The following RIT2 variants were observed in gnomAD, a reference collection of about 807,000 sequenced individuals.
RIT2 encodes the protein Ras like without CAAX 2, also known as GTP-binding protein Rit2.
In RIT2, 24 loss-of-function variants were observed where a neutral mutation model predicts 23.7. That is an observed-to-expected ratio of 1.01 (90% CI 0.73 to 1.43). The LOEUF (loss-of-function observed/expected upper bound fraction) is 1.43, where lower values mean the gene tolerates loss of function less well. RIT2 is among the 40% of genes most tolerant of loss of function. RIT2 has a pLI of 0.00. For synonymous variants in RIT2, 107 were observed against 91.1 expected, an observed-to-expected ratio of 1.17 and a Z score of -0.99; for missense variants, 236 against 266.9, an observed-to-expected ratio of 0.88 and a Z score of 0.81.
At chr18:42,810,788 A>G (rs773477816) in intron 4 of RIT2, among the ~76,000 whole-genome samples, 6 of 151,984 alleles carry the variant, frequency 3.9e-5, no homozygotes, top group Non-Finnish European at 8.8e-5. Flanking sequence ...ACTAATTCCA[A>G]TATGAAGCCC....
chr18:42,795,343 C>T (rs1027715497), intron 4 of RIT2, among the ~76,000 whole-genome samples: 2 of 152,204 alleles, frequency 1.3e-5, no homozygotes, highest in Admixed American at 6.5e-5. Flanking sequence ...GCCGACCCTG[C>T]CAGCCCCGGG....
At chr18:43,082,974 G>T (rs1341007358) in intron 1 of RIT2, among the ~76,000 whole-genome samples, 1 of 152,154 alleles carries the variant, frequency 6.6e-6, no homozygotes, top group Non-Finnish European at 1.5e-5. Context: ...TGTATATTTA[G>T]AAAACCCTAT....
chr18:43,085,554 T>C (rs564954533), intron 1 of RIT2, among the ~76,000 whole-genome samples: 4 of 152,308 alleles, frequency 2.6e-5, no homozygotes, highest in East Asian at 3.9e-4. Context: ...TCTGTTTCTA[T>C]GAGGATTTGT....
intron 2 of RIT2, among the ~76,000 whole-genome samples, chr18:43,005,911 A>G (rs1911216560): frequency 6.6e-6 from 1 of 151,780 alleles, no homozygotes; most frequent in African/African-American, 2.4e-5. Context: ...GGATTTACAC[A>G]CTGCAATAGC....
intron 2 of RIT2, among the ~76,000 whole-genome samples, chr18:43,024,263 G>A (rs906656525): frequency 6.6e-6 from 1 of 151,922 alleles, no homozygotes. Context: ...CACACCTACA[G>A]CCAACTGATC....
intron 2 of RIT2, among the ~76,000 whole-genome samples, chr18:43,011,628 T>C (rs1911353765): frequency 6.6e-6 from 1 of 151,788 alleles, no homozygotes; most frequent in Non-Finnish European, 1.5e-5. Flanking sequence ...AAAATATTCC[T>C]AGGCCTAATT....
intron 4 of RIT2, among the ~76,000 whole-genome samples, chr18:42,822,491 A>T (rs894725892): frequency 1.3e-5 from 2 of 152,136 alleles, no homozygotes; most frequent in Admixed American, 6.6e-5. Context: ...AGTCAGTTTC[A>T]TCTGCAATGG....
chr18:42,874,713 A>G (rs1163027000), intron 4 of RIT2, among the ~76,000 whole-genome samples: 1 of 152,090 alleles, frequency 6.6e-6, no homozygotes, highest in Non-Finnish European at 1.5e-5. Flanking sequence ...TTATGAATCA[A>G]GAGAAAAATT....
At chr18:42,910,915 G>A (rs1403601455) in intron 4 of RIT2, among the ~76,000 whole-genome samples, 3 of 152,104 alleles carry the variant, frequency 2.0e-5, no homozygotes, top group African/African-American at 4.8e-5. Flanking sequence ...CAAGGATAGC[G>A]AATAATGAAA....
At chr18:42,892,292 A>C (rs959564805) in intron 4 of RIT2, among the ~76,000 whole-genome samples, 4 of 152,150 alleles carry the variant, frequency 2.6e-5, no homozygotes, top group Admixed American at 1.3e-4. Flanking sequence ...TTCCAGCTTA[A>C]GTGAATGTCT....
intron 4 of RIT2, among the ~76,000 whole-genome samples, chr18:42,880,162 A>G (rs1474744483): frequency 1.3e-5 from 2 of 152,140 alleles, no homozygotes; most frequent in African/African-American, 4.8e-5. Context: ...TTGTGTGGCA[A>G]AAAGGACTGG....
chr18:42,946,805 G>A (rs539479242), intron 3 of RIT2, among the ~76,000 whole-genome samples: 2 of 152,112 alleles, frequency 1.3e-5, no homozygotes, highest in South Asian at 4.2e-4. Flanking sequence ...GTGAAATTTA[G>A]TGAGTTAGCA....
intron 1 of RIT2, among the ~76,000 whole-genome samples, chr18:43,113,046 A>T (rs952614135): frequency 2.0e-5 from 3 of 152,166 alleles, no homozygotes; most frequent in Non-Finnish European, 4.4e-5. Flanking sequence ...TAGAGCCATG[A>T]TCATGCCACT....
chr18:42,982,456 T>A (rs1001973578), intron 2 of RIT2, among the ~76,000 whole-genome samples: 10 of 152,114 alleles, frequency 6.6e-5, no homozygotes, highest in Non-Finnish European at 1.3e-4. Context: ...TTCTACATAT[T>A]CCTTAATCCA....
intron 4 of RIT2, among the ~76,000 whole-genome samples, chr18:42,866,109 G>T (rs570191222): frequency 6.6e-6 from 1 of 152,290 alleles, no homozygotes; most frequent in African/African-American, 2.4e-5. Context: ...ATTGACAAAA[G>T]ATGCCTTGGA....
intron 2 of RIT2, among the ~76,000 whole-genome samples, chr18:42,978,970 A>G (rs955892675): frequency 9.9e-5 from 15 of 152,136 alleles, no homozygotes; most frequent in African/African-American, 1.7e-4. Context: ...AGCAAAATTC[A>G]AACTCAAGGA....
chr18:42,927,369 GGTGTGTGTGTGTGTGTGTGT>G (rs60819423), intron 3 of RIT2, among the ~76,000 whole-genome samples: 1 of 147,834 alleles, frequency 6.8e-6, no homozygotes, highest in Non-Finnish European at 1.5e-5. Context: ...ATGTGGATGT[GGTGTGTGTGTGTGTGTGTGT>G]GTGTGTGTGT....
At chr18:42,933,894 T>G (rs1296249352) in intron 3 of RIT2, among the ~76,000 whole-genome samples, 1 of 151,846 alleles carries the variant, frequency 6.6e-6, no homozygotes, top group African/African-American at 2.4e-5. Context: ...GATGCATGCC[T>G]GTAATCCCAG....
intron 4 of RIT2, among the ~76,000 whole-genome samples, chr18:42,918,361 A>T (rs1269668735): frequency 6.6e-6 from 1 of 152,164 alleles, no homozygotes; most frequent in Non-Finnish European, 1.5e-5. Flanking sequence ...GAGTTAATAC[A>T]TTCACATTTA....
Sources: gnomAD v4.1 joint callset for allele counts (sites outside exome capture counted in the v4.1 genomes callset) on GRCh38, gnomAD v4.1.1 for gene constraint, MANE v1.5 for transcripts, NCBI Gene and HGNC (gene_info 2026-07-23, HGNC 2026-07-21) for gene names.